The following FAM114A1 variants were observed in gnomAD, a reference collection of about 807,000 sequenced individuals.
FAM114A1 encodes the protein protein NOXP20.
A neutral mutation model predicts 64.3 loss-of-function variants in FAM114A1; 62 were observed. The observed-to-expected ratio is 0.96, with a 90% CI of 0.79 to 1.19. The LOEUF (loss-of-function observed/expected upper bound fraction) is 1.19, where lower values mean the gene tolerates loss of function less well. Among genes scored for constraint, FAM114A1 ranks in the 50% most tolerant of loss-of-function variants. FAM114A1 has a pLI of 0.00. For missense variants in FAM114A1, 645 were observed against 676.3 expected, an observed-to-expected ratio of 0.95 and a Z score of 0.51; for synonymous variants, 254 against 251.1, an observed-to-expected ratio of 1.01 and a Z score of -0.11.
chr4:38,901,752 G>A (rs2109658316), intron 4 of FAM114A1, among the ~76,000 whole-genome samples: 1 of 152,300 alleles, frequency 6.6e-6, no homozygotes, highest in South Asian at 2.1e-4. Flanking sequence ...TTTGCGGGAA[G>A]AAAAAGATCA....
At chr4:38,915,912 C>T (rs1056729345) in intron 8 of FAM114A1, among the ~76,000 whole-genome samples, 4 of 152,186 alleles carry the variant, frequency 2.6e-5, no homozygotes, top group Admixed American at 6.5e-5. Flanking sequence ...GACTGTGCTC[C>T]GGAGTGGTTT....
chr4:38,922,674 A>C, intron 8 of FAM114A1, 96 bp from the exon 9 acceptor site: 1 of 1,467,548 alleles, frequency 6.8e-7, no homozygotes, highest in Non-Finnish European at 9.1e-7. Flanking sequence ...CACACCATGA[A>C]TCACTTTTGT....
At chr4:38,914,783 T>A (rs1718875525) in intron 7 of FAM114A1, 138 bp from the exon 8 acceptor site, 4 of 941,858 alleles carry the variant, frequency 4.2e-6, no homozygotes, top group Non-Finnish European at 6.1e-6. Context: ...AAAAAAATCA[T>A]TTTTTAGAAA....
chr4:38,940,142 C>T (rs1272752097), intron 13 of FAM114A1, among the ~76,000 whole-genome samples: 8 of 152,138 alleles, frequency 5.3e-5, no homozygotes, highest in South Asian at 2.1e-4. Context: ...CCACTCACCT[C>T]GGCCTCTGAA....
chr4:38,905,396 CT>C (rs201086596), intron 4 of FAM114A1, 125 bp from the exon 5 acceptor site: 427 of 661,360 alleles, frequency 6.5e-4, no homozygotes, highest in African/African-American at 4.2e-3. Flanking sequence ...AAGACTCCAT[CT>C]TTTAAAAAAA....
At chr4:38,935,659 C>T (rs1721016691) in intron 12 of FAM114A1, 59 bp from the exon 13 acceptor site, 6 of 1,218,640 alleles carry the variant, frequency 4.9e-6, no homozygotes, top group Non-Finnish European at 5.9e-6. Context: ...ATGGTCGTGA[C>T]AGTTAAATTA....
At chr4:38,917,578 A>G (rs538850592) in intron 8 of FAM114A1, among the ~76,000 whole-genome samples, 1 of 152,194 alleles carries the variant, frequency 6.6e-6, no homozygotes, top group East Asian at 1.9e-4. Flanking sequence ...TGATTTTTAT[A>G]TGCGTTCTTA....
At chr4:38,930,415 T>C (rs989617319) in intron 10 of FAM114A1, among the ~76,000 whole-genome samples, 2 of 152,182 alleles carry the variant, frequency 1.3e-5, no homozygotes, top group Non-Finnish European at 2.9e-5. Flanking sequence ...GGGTCACTGA[T>C]TCTGGCAGGT....
chr4:38,897,386 A>G (rs1280218603), intron 4 of FAM114A1, among the ~76,000 whole-genome samples: 1 of 152,180 alleles, frequency 6.6e-6, no homozygotes, highest in Non-Finnish European at 1.5e-5. Context: ...AATTAATTGA[A>G]ATTATGTCTA....
intron 3 of FAM114A1, among the ~76,000 whole-genome samples, chr4:38,884,773 G>T (rs7681449): frequency 0.28 from 41,719 of 151,604 alleles, 6,021 homozygotes; most frequent in African/African-American, 0.31. Flanking sequence ...TTTACTCAAG[G>T]CAACTGTCTG....
At chr4:38,898,191 G>A (rs1717134578) in intron 4 of FAM114A1, among the ~76,000 whole-genome samples, 1 of 152,200 alleles carries the variant, frequency 6.6e-6, no homozygotes, top group South Asian at 2.1e-4. Flanking sequence ...TGAAATTCTA[G>A]TTTTGACAGT....
chr4:38,888,252 A>AGTC lies in FAM114A1; in HGVS notation c.349-3490_349-3488dup, dbSNP rs1210156637. ...AGAACGTTGAACTTGGGCCAGGTGC[A>AGTC]GTCACCCGTAATCCTAGCACTTCGA... On this transcript the variant is annotated intron_variant, in intron 3 of 14. Transcript: ENST00000358869. 2.6e-5 allele frequency among the ~76,000 whole-genome samples: 4 copies of AGTC among 152,108 alleles called. No homozygotes were observed. In the East Asian group the frequency reaches 5.8e-4, roughly 22 times the overall value.
chr4:38,874,866 G>A (rs1234120665), intron 2 of FAM114A1, among the ~76,000 whole-genome samples: 1 of 152,162 alleles, frequency 6.6e-6, no homozygotes, highest in African/African-American at 2.4e-5. Flanking sequence ...TATAAGGAAG[G>A]GGAACAGTTT....
Position 38,922,853 on chromosome 4 carries a change from A to C in FAM114A1, c.1029A>C (p.Ala343=). 6.2e-7 allele frequency: 1 copy of C among 1,613,490 alleles called. No homozygotes were observed. ...NDLISIKDIF[A]AKELENEENQ... ...TAATTTCCATTAAAGACATCTTTGCAGCCAAAGAATTAGAGAATGAAGAAA... is the reference window on the plus strand; with the variant it reads ...TAATTTCCATTAAAGACATCTTTGCCGCCAAAGAATTAGAGAATGAAGAAA... Residue 343 remains alanine, a synonymous_variant, in exon 9 of 15, where the codon GCA becomes GCC. Coordinates refer to ENST00000358869, the MANE Select transcript of FAM114A1 (RefSeq NM_138389.4).
chr4:38,904,861 T>C (rs1364202416), intron 4 of FAM114A1, among the ~76,000 whole-genome samples: 1 of 152,242 alleles, frequency 6.6e-6, no homozygotes, highest in Non-Finnish European at 1.5e-5. Context: ...AAGACTGTGT[T>C]GAGCTTAGAA....
intron 4 of FAM114A1, among the ~76,000 whole-genome samples, chr4:38,900,080 C>G (rs1181817666): frequency 6.6e-6 from 1 of 152,006 alleles, no homozygotes; most frequent in Non-Finnish European, 1.5e-5. Context: ...TTTTTTAAAT[C>G]TGCACATGAA....
intron 6 of FAM114A1, among the ~76,000 whole-genome samples, chr4:38,908,068 T>C (rs574919645): frequency 9.8e-5 from 15 of 152,298 alleles, no homozygotes; most frequent in African/African-American, 3.4e-4. Context: ...TCTGAGAGTA[T>C]GCAAGAACCA....
chr4:38,881,630 C>T (rs76509759), intron 3 of FAM114A1, among the ~76,000 whole-genome samples: 3,055 of 152,258 alleles, frequency 0.02, 124 homozygotes, highest in Admixed American at 0.087. Flanking sequence ...AACCATTCTA[C>T]GTAGGTGCAA....
intron 4 of FAM114A1, among the ~76,000 whole-genome samples, chr4:38,899,022 A>G (rs1353221991): frequency 8.2e-6 from 1 of 122,528 alleles, no homozygotes; most frequent in Non-Finnish European, 1.8e-5. Context: ...TTTCATATAT[A>G]TGTTATATAT....
Sources: allele counts gnomAD v4.1 joint callset (sites outside exome capture counted in the v4.1 genomes callset), GRCh38; gene constraint gnomAD v4.1.1; transcripts MANE v1.5; gene names NCBI Gene and HGNC (gene_info 2026-07-23, HGNC 2026-07-21).